Variants in TBCK observed in about 807,000 individuals in gnomAD.
The protein encoded by TBCK is TBC1 domain containing kinase.
Under a neutral mutation model 113.4 loss-of-function variants are expected in TBCK, and 99 were observed. That is an observed-to-expected ratio of 0.87 (90% confidence interval 0.74 to 1.03). TBCK has a LOEUF of 1.03. TBCK is among the 50% of genes least tolerant of loss of function. TBCK has a pLI of 0.00. For missense variants in TBCK, 1,045 were observed against 1,061.3 expected (o/e 0.98, Z 0.21); for synonymous variants, 369 against 370.8 (o/e 1.00, Z 0.05).
At chr4:106,194,823 C>A in intron 20 of TBCK, 69 bp from the exon 21 acceptor site, 1 of 1,292,706 alleles carries the variant, frequency 7.7e-7, no homozygotes, top group South Asian at 1.4e-5. Context: ...GAATGATTAC[C>A]AATAAACTAA....
chr4:106,125,268 C>T (rs914353159), intron 23 of TBCK, among the ~76,000 whole-genome samples: 5 of 152,130 alleles, frequency 3.3e-5, no homozygotes, highest in Non-Finnish European at 5.9e-5. Context: ...AAGAAATATG[C>T]ACTCCCATGT....
chr4:106,082,139 A>T (rs116429768), intron 25 of TBCK, among the ~76,000 whole-genome samples: 5,674 of 152,368 alleles, frequency 0.037, 157 homozygotes, highest in Non-Finnish European at 0.056. Flanking sequence ...CCAAAAATAC[A>T]TATGCATGTG....
chr4:106,196,109 T>C (rs1754204637), intron 20 of TBCK, among the ~76,000 whole-genome samples: 2 of 152,036 alleles, frequency 1.3e-5, no homozygotes, highest in Admixed American at 1.3e-4. Context: ...AGATCTAATA[T>C]TACCATTATT....
intron 23 of TBCK, among the ~76,000 whole-genome samples, chr4:106,152,806 G>T (rs932537411): frequency 6.6e-6 from 1 of 151,974 alleles, no homozygotes. Context: ...GTTCAATCTT[G>T]GTAGGTTGTA....
At position 106,250,311 on chromosome 4, in the gene TBCK, ATATTTCAGTGTACTCAC is replaced by A; in HGVS notation, c.658+90_658+106del. The A allele has an allele frequency of 4.3e-6, 3 of 700,234 alleles. No homozygotes were observed. The South Asian group carries it at 5.8e-5, about 14-fold the overall frequency. 43.4% of individuals were successfully genotyped at this position (700,234 alleles called of 1,614,324 possible). A position where few individuals can be genotyped will look rare whatever the true frequency, so the allele number is the denominator to read the frequency against. ...CATTAGCAACTTGAGTAAAGGGAGG[ATATTTCAGTGTACTCAC>A]TATTTCAAAAGAACACATCCTCAAT... On this transcript the variant is annotated intron_variant, in intron 7 of 25. Transcript: ENST00000394708.
At chr4:106,263,589 A>C (rs941837141) in intron 3 of TBCK, among the ~76,000 whole-genome samples, 2 of 151,916 alleles carry the variant, frequency 1.3e-5, no homozygotes, top group Non-Finnish European at 2.9e-5. Context: ...TGATGGTTAC[A>C]TAATTTTGTT....
At chr4:106,176,564 CTTTA>C (rs979270381) in intron 22 of TBCK, among the ~76,000 whole-genome samples, 4 of 151,944 alleles carry the variant, frequency 2.6e-5, no homozygotes, top group Non-Finnish European at 5.9e-5. Context: ...TGTACGTTTT[CTTTA>C]TTCATTCATT....
chr4:106,210,554 C>T (rs1176408053), intron 20 of TBCK, among the ~76,000 whole-genome samples: 2 of 152,168 alleles, frequency 1.3e-5, no homozygotes, highest in African/African-American at 4.8e-5. Flanking sequence ...AGCATTCCCT[C>T]TAAATAATGC....
chr4:106,159,870 T>A lies in TBCK; in HGVS notation c.2235+11225A>T, dbSNP rs115000654. Among the ~76,000 whole-genome samples the A allele has an allele frequency of 1.6e-3, 243 of 152,088 alleles. 1 individual carries two copies. The highest frequency in any genetic ancestry group is 2.9e-3 in the Non-Finnish European group (195 of 67,942). ...AGCCAGAAGACTCAGACTTCCTGAT[T>A]GCAAAATTTATTTCAAAACTATTGT... On this transcript the variant is annotated intron_variant, in intron 23 of 25. Coordinates refer to ENST00000394708, the MANE Select transcript of TBCK (RefSeq NM_001163435.3).
chr4:106,194,985 T>C (rs909515770), intron 20 of TBCK, among the ~76,000 whole-genome samples: 1 of 152,126 alleles, frequency 6.6e-6, no homozygotes. Flanking sequence ...TAACTGGATG[T>C]GTAAACAGAC....
In TBCK at chr4:106,228,805, T is replaced by C. The variant is rs538293852; in HGVS notation, c.1774+1558A>G. ...ATATGGTAGGTTTACTTTCAGTTTATTGAAGAACCTCTAAACTGTTCTCCA... is the reference window on the plus strand; with the variant it reads ...ATATGGTAGGTTTACTTTCAGTTTACTGAAGAACCTCTAAACTGTTCTCCA... On this transcript the variant is annotated intron_variant, in intron 19 of 25. Transcript: ENST00000394708. Among the ~76,000 whole-genome samples, 10 of 152,184 alleles carry C rather than the reference T, an allele frequency of 6.6e-5. No homozygotes were observed. The South Asian group carries it at 2.1e-3, about 32-fold the overall frequency.
intron 9 of TBCK, 126 bp downstream of exon 9, chr4:106,248,119 C>G: frequency 2.1e-6 from 1 of 480,774 alleles, no homozygotes; most frequent in Admixed American, 4.1e-5. Flanking sequence ...AGTTATGATA[C>G]TGATGTCAAT....
intron 23 of TBCK, among the ~76,000 whole-genome samples, chr4:106,141,509 G>A (rs894955801): frequency 7.1e-6 from 1 of 140,724 alleles, no homozygotes. Context: ...TACACAGCTG[G>A]TGTGGCAGTG....
chr4:106,179,594 T>C (rs1474501296), intron 22 of TBCK, among the ~76,000 whole-genome samples: 4 of 152,140 alleles, frequency 2.6e-5, no homozygotes, highest in Non-Finnish European at 4.4e-5. Context: ...TTTTATTCCA[T>C]TGTGATCTAA....
intron 19 of TBCK, among the ~76,000 whole-genome samples, chr4:106,228,469 C>T (rs1288898171): frequency 6.6e-6 from 1 of 151,808 alleles, no homozygotes. Flanking sequence ...ATTTTCAGAT[C>T]CCACCAATAA....
At chr4:106,216,512 C>T (rs531071974) in intron 19 of TBCK, among the ~76,000 whole-genome samples, 10 of 151,870 alleles carry the variant, frequency 6.6e-5, no homozygotes, top group African/African-American at 2.4e-4. Flanking sequence ...CAAATAGACG[C>T]AATAAAAAAT....
At chr4:106,250,529 A>C (rs758254082) in intron 6 of TBCK, 51 bp from the exon 7 acceptor site, 13 of 1,116,910 alleles carry the variant, frequency 1.2e-5, no homozygotes, top group Non-Finnish European at 1.7e-5. Flanking sequence ...TGTTTTTTCT[A>C]GGAAGGCATT....
At chr4:106,094,129 T>C (rs1012552530) in intron 25 of TBCK, among the ~76,000 whole-genome samples, 2 of 152,186 alleles carry the variant, frequency 1.3e-5, no homozygotes, top group Non-Finnish European at 2.9e-5. Context: ...TTCCTTACTA[T>C]GAAATCATAT....
intron 23 of TBCK, among the ~76,000 whole-genome samples, chr4:106,160,228 T>C (rs960444669): frequency 6.6e-6 from 1 of 152,164 alleles, no homozygotes. Flanking sequence ...ACTTGATTTC[T>C]AGGAGATGAC....
Sources: allele counts gnomAD v4.1 joint callset (sites outside exome capture counted in the v4.1 genomes callset), GRCh38; gene constraint gnomAD v4.1.1; transcripts MANE v1.5; gene names NCBI Gene and HGNC (gene_info 2026-07-23, HGNC 2026-07-21).